TAS1R1: variants seen among roughly 807,000 people sequenced by gnomAD.
The protein encoded by TAS1R1 is taste 1 receptor member 1.
A neutral mutation model predicts 45.8 loss-of-function variants in TAS1R1; 31 were observed. The observed-to-expected ratio is 0.68, with a 90% CI of 0.51 to 0.91. The LOEUF (loss-of-function observed/expected upper bound fraction) is 0.91. Among genes scored for constraint, TAS1R1 ranks in the 40% least tolerant of loss-of-function variants. TAS1R1 has a pLI of 0.00. For missense variants in TAS1R1, 1,051 were observed against 1,063.9 expected (o/e 0.99, Z 0.17); for synonymous variants, 437 against 448.4 (o/e 0.97, Z 0.32).
chr1:6,567,960 G>A (rs922441074), intron 1 of TAS1R1, among the ~76,000 whole-genome samples: 6 of 152,068 alleles, frequency 3.9e-5, no homozygotes, highest in African/African-American at 1.5e-4. Context: ...CTAGATTGAC[G>A]GATAGCCACA....
In TAS1R1 at chr1:6,574,868, C is replaced by G. The variant is rs769625029; in HGVS notation, c.736C>G (p.Pro246Ala). The change falls in exon 3 of 6, where the codon CCC becomes GCC. Residue 246 changes from proline to alanine, a missense_variant. Coordinates refer to ENST00000333172, the MANE Select transcript of TAS1R1 (RefSeq NM_138697.4). This position sits in a 1 kb window ranked among gnomAD's most constrained non-coding sequence, Gnocchi z 4.3. ...GICIAFKDIM[P>A]FSAQVGDERM... ...CTGCATTGCTTTCAAGGACATCATG[C>G]CCTTCTCTGCCCAGGTGGGCGATGA... The G allele has an allele frequency of 1.9e-6, 3 of 1,614,250 alleles. No homozygotes were observed. The highest frequency in any genetic ancestry group is 2.5e-6 in the Non-Finnish European group (3 of 1,180,050).
At chr1:6,577,133 G>T (rs1022377991) in intron 5 of TAS1R1, 63 bp downstream of exon 5, 5 of 1,600,994 alleles carry the variant, frequency 3.1e-6, no homozygotes, top group Non-Finnish European at 4.3e-6. Context: ...GTGGAGGGAG[G>T]GCCTCCCTTG....
intron 1 of TAS1R1, among the ~76,000 whole-genome samples, chr1:6,569,912 C>T (rs1172809421): frequency 6.6e-6 from 1 of 150,708 alleles, no homozygotes; most frequent in African/African-American, 2.4e-5. Context: ...TCTGAGAAAT[C>T]CTCTGGGTCT....
rs148716289 is a variant in TAS1R1, at chr1:6,559,392, T to A, written c.191+3828T>A. On this transcript the variant is annotated intron_variant, in intron 1 of 5. Coordinates refer to ENST00000333172, the MANE Select transcript of TAS1R1 (RefSeq NM_138697.4). ...ACAGACCTGAGCTGGGCATAGTGAC[T>A]CACGCCTGTAATCCAAGCACTTTGG... Among the ~76,000 whole-genome samples the A allele has an allele frequency of 9.0e-3, 1,360 of 151,694 alleles. 16 individuals are homozygous for A. The highest frequency in any genetic ancestry group is 0.03 in the African/African-American group (1,241 of 41,426).
chr1:6,560,310 G>A (rs141365660), intron 1 of TAS1R1, among the ~76,000 whole-genome samples: 22 of 152,302 alleles, frequency 1.4e-4, no homozygotes, highest in African/African-American at 2.2e-4. Flanking sequence ...AAGGTTAGCC[G>A]AGAGAAAGAA....
chr1:6,571,144 GTGAT>G lies in TAS1R1; in HGVS notation c.430_433del (p.Ile144GlyfsTer15), dbSNP rs746615401. ...CCACTATTCCCCTACGGTGCTGGCA[GTGAT>G]TGGGCCTGACAGCACCAACCGTGCT... is the stretch of plus-strand genomic sequence containing the variant. On this transcript the variant is annotated frameshift_variant, in exon 2 of 6. Transcript: ENST00000333172. LOFTEE classifies it high-confidence loss of function. The G allele has an allele frequency of 4.3e-6, 7 of 1,611,534 alleles. No individual in the cohort carries two copies. The highest frequency in any genetic ancestry group is 1.7e-6 in the Non-Finnish European group (2 of 1,178,554).
chr1:6,571,181 C>T lies in TAS1R1; in HGVS notation c.464C>T (p.Thr155Ile). 1 of 1,592,104 alleles carries T rather than the reference C, an allele frequency of 6.3e-7. No individual in the cohort carries two copies. Among genetic ancestry groups the T allele is most frequent in the South Asian group, 1.1e-5 (1 of 87,486 alleles). Residue 155 changes from threonine (T) to isoleucine (I), a missense_variant, in exon 2 of 6, where the codon ACA (threonine) becomes ATA (isoleucine). By Grantham distance (89) the Thr-to-Ile change is moderately conservative. Coordinates refer to ENST00000333172, the MANE Select transcript of TAS1R1 (RefSeq NM_138697.4). ...GACAGCACCAACCGTGCTGCCACCA[C>T]AGCCGCCCTGCTGAGCCCTTTCCTG... Reference protein sequence around the residue: ...GPDSTNRAATTAALLSPFLVP... With the variant: ...GPDSTNRAATIAALLSPFLVP...
intron 1 of TAS1R1, among the ~76,000 whole-genome samples, chr1:6,557,200 A>G (rs1639701989): frequency 6.6e-6 from 1 of 151,546 alleles, no homozygotes; most frequent in Non-Finnish European, 1.5e-5. Flanking sequence ...CTACAGCTAG[A>G]AACCTGGATA....
At chr1:6,558,226 C>T (rs116146000) in intron 1 of TAS1R1, among the ~76,000 whole-genome samples, 152 of 151,944 alleles carry the variant, frequency 1.0e-3, no homozygotes, top group African/African-American at 3.6e-3. Flanking sequence ...TTTATAGAGA[C>T]AGGGTCTCAC....
chr1:6,575,885 G>C lies in TAS1R1; in HGVS notation c.1260+493G>C, dbSNP rs190581624. 9.0e-4 allele frequency among the ~76,000 whole-genome samples: 137 copies of C among 152,014 alleles called. 3 individuals are homozygous for C. In the East Asian group the frequency reaches 0.025, roughly 27 times the overall value. ...TTTTTTTTGTATTTTGAGTAGAGAC[G>C]GGGTTTCACCATGTTAGCCAGGATG... On this transcript the variant is annotated intron_variant, in intron 3 of 5. Transcript: ENST00000333172.
At chr1:6,559,048 C>T (rs1050088050) in intron 1 of TAS1R1, among the ~76,000 whole-genome samples, 9 of 152,228 alleles carry the variant, frequency 5.9e-5, no homozygotes, top group African/African-American at 1.4e-4. Flanking sequence ...CCCGCCACCA[C>T]GCCCAGCTAA....
chr1:6,568,826 G>A (rs1639935772), intron 1 of TAS1R1, among the ~76,000 whole-genome samples: 1 of 152,188 alleles, frequency 6.6e-6, no homozygotes, highest in South Asian at 2.1e-4. Flanking sequence ...GAAGGAGGGT[G>A]GAAGAGAGGA....
Position 6,577,019 on chromosome 1 carries a change from T to C in TAS1R1, c.1543T>C (p.Cys515Arg). Residue 515 changes from cysteine to arginine, a missense_variant, in exon 5 of 6, where the codon TGC becomes CGC. Transcript: ENST00000333172. ...GCGAGTGGTTACGGGTTTCCATCAC[T>C]GCTGCTTTGAGTGTGTGCCCTGTGG... Reference protein sequence around the residue: ...HQRVVTGFHHCCFECVPCGAG... With the variant: ...HQRVVTGFHHRCFECVPCGAG... 1.2e-6 allele frequency: 2 copies of C among 1,614,268 alleles called. No individual in the cohort carries two copies. Among genetic ancestry groups the C allele is most frequent in the Non-Finnish European group, 1.7e-6 (2 of 1,180,040 alleles).
At chr1:6,567,676 T>C (rs1639900145) in intron 1 of TAS1R1, among the ~76,000 whole-genome samples, 1 of 152,126 alleles carries the variant, frequency 6.6e-6, no homozygotes, top group Non-Finnish European at 1.5e-5. Flanking sequence ...GCCTCGTTCA[T>C]CTTCAGCGGC....
chr1:6,572,160 C>G (rs918013209), intron 2 of TAS1R1, among the ~76,000 whole-genome samples: 2 of 152,190 alleles, frequency 1.3e-5, no homozygotes, highest in African/African-American at 4.8e-5. Context: ...CATTGACCCT[C>G]AGCCCGATTC....
chr1:6,576,786 G>T (rs1640190815), intron 4 of TAS1R1, among the ~76,000 whole-genome samples, 159 bp downstream of exon 4: 1 of 152,266 alleles, frequency 6.6e-6, no homozygotes, highest in Non-Finnish European at 1.5e-5. Context: ...AAGACACTCC[G>T]TAGGCGAGTG....
At chr1:6,556,468 T>C (rs1639686603) in intron 1 of TAS1R1, among the ~76,000 whole-genome samples, 1 of 152,018 alleles carries the variant, frequency 6.6e-6, no homozygotes, top group African/African-American at 2.4e-5. Flanking sequence ...TGGCATAATC[T>C]TGACTCACTG....
intron 1 of TAS1R1, among the ~76,000 whole-genome samples, chr1:6,560,830 A>C (rs4582827): frequency 0.92 from 140,127 of 151,936 alleles, 65,547 homozygotes; most frequent in Non-Finnish European, 0.99. Context: ...AAAATACAAA[A>C]AAAATTAGCT....
rs1640135023 is a variant in TAS1R1, at chr1:6,575,266, C to G, written c.1134C>G (p.Leu378=). The G allele has an allele frequency of 6.2e-7, 1 of 1,613,380 alleles. No individual in the cohort carries two copies. The highest frequency in any genetic ancestry group is 2.2e-5 in the East Asian group (1 of 44,884). Residue 378 remains leucine (L), a synonymous_variant, in exon 3 of 6, where the codon CTC becomes CTG. Coordinates refer to ENST00000333172, the MANE Select transcript of TAS1R1 (RefSeq NM_138697.4). ...TCATGGCACACACGATGCCCAAGCTCAAAGCCTTCTCCATGAGTTCTGCCT... is the reference window on the plus strand; with the variant it reads ...TCATGGCACACACGATGCCCAAGCTGAAAGCCTTCTCCATGAGTTCTGCCT... The part of the protein sequence containing the change: ...QAFMAHTMPK[L]KAFSMSSAYN...
Sources: gnomAD v4.1 joint callset for allele counts (sites outside exome capture counted in the v4.1 genomes callset) on GRCh38, gnomAD v4.1.1 for gene constraint, Gnocchi (gnomAD v3.1) non-coding constraint, MANE v1.5 for transcripts, NCBI Gene and HGNC (gene_info 2026-07-23, HGNC 2026-07-21) for gene names.